Variants in BDH1 observed in about 807,000 individuals in gnomAD.
The protein encoded by BDH1 is D-beta-hydroxybutyrate dehydrogenase, mitochondrial.
Under a neutral mutation model 33.1 loss-of-function variants are expected in BDH1, and 30 were observed. That is an observed-to-expected ratio of 0.91 (90% confidence interval 0.68 to 1.23). BDH1 has a LOEUF of 1.23. BDH1 is among the 50% of genes most tolerant of loss of function. The probability of loss-of-function intolerance (pLI) is 0.00; values close to 1 mark genes in which losing one functional copy is unlikely to be tolerated. For missense variants in BDH1, 443 were observed against 464.4 expected, an observed-to-expected ratio of 0.95 and a Z score of 0.42; for synonymous variants, 190 against 183.6, an observed-to-expected ratio of 1.03 and a Z score of -0.28.
intron 6 of BDH1, chr3:197,515,844 C>T: frequency 2.4e-6 from 1 of 423,598 alleles, no homozygotes; most frequent in Non-Finnish European, 3.2e-6. Flanking sequence ...GCAGAGGTTG[C>T]AATGAGCCGG....
chr3:197,515,490 C>T, intron 6 of BDH1: 1 of 985,718 alleles, frequency 1.0e-6, no homozygotes, highest in Non-Finnish European at 1.2e-6. Context: ...CCACTCCCCA[C>T]CCGTCATGGC....
intron 1 of BDH1, among the ~76,000 whole-genome samples, chr3:197,567,092 C>T (rs542048118): frequency 1.3e-5 from 2 of 152,194 alleles, no homozygotes; most frequent in Non-Finnish European, 2.9e-5. Flanking sequence ...CTTCAAAGGA[C>T]ATGAGACTTC....
intron 1 of BDH1, among the ~76,000 whole-genome samples, chr3:197,561,224 C>T (rs540302133): frequency 6.6e-6 from 1 of 152,266 alleles, no homozygotes; most frequent in African/African-American, 2.4e-5. Context: ...CATGAGCTAA[C>T]CTTACGGCTC....
Position 197,537,289 on chromosome 3 carries a change from G to A in BDH1, c.84-3728C>T, listed in dbSNP as rs558932966. ...CAGGCATGAACTACCACATCCGGTC[G>A]AAACTGTATTGTTTTAAAATTTGAT... On this transcript the variant is annotated intron_variant, in intron 3 of 7. Transcript: ENST00000392379. Among the ~76,000 whole-genome samples the A allele has an allele frequency of 4.6e-5, 7 of 152,260 alleles. No homozygotes were observed. The East Asian group carries it at 7.7e-4, about 17-fold the overall frequency.
chr3:197,549,770 T>G (rs567192777), intron 2 of BDH1, among the ~76,000 whole-genome samples: 3 of 152,340 alleles, frequency 2.0e-5, no homozygotes, highest in South Asian at 4.1e-4. Context: ...ATGTTCTACT[T>G]GGCTGATTTG....
chr3:197,567,441 ATTGT>A (rs1222719679), intron 1 of BDH1, among the ~76,000 whole-genome samples: 1 of 152,128 alleles, frequency 6.6e-6, no homozygotes, highest in African/African-American at 2.4e-5. Context: ...AAAGAGTGCA[ATTGT>A]TTGTCTCTCA....
chr3:197,558,588 G>A (rs544830986), upstream of BDH1, among the ~76,000 whole-genome samples: 10 of 152,218 alleles, frequency 6.6e-5, no homozygotes, highest in Middle Eastern at 3.4e-3. Flanking sequence ...AAATGATTCC[G>A]AACACTTTCA....
intron 3 of BDH1, among the ~76,000 whole-genome samples, chr3:197,545,527 C>A (rs541865258): frequency 5.3e-5 from 8 of 152,042 alleles, no homozygotes; most frequent in African/African-American, 1.9e-4. Flanking sequence ...AGGTCGTGAG[C>A]GAAAAAGACT....
At chr3:197,536,266 T>C (rs1244618368) in intron 3 of BDH1, among the ~76,000 whole-genome samples, 4 of 152,236 alleles carry the variant, frequency 2.6e-5, no homozygotes, top group African/African-American at 7.2e-5. Context: ...TCTATTTTGA[T>C]TCATTGATAT....
At chr3:197,527,183 G>C (rs745828334) in intron 5 of BDH1, among the ~76,000 whole-genome samples, 1 of 152,212 alleles carries the variant, frequency 6.6e-6, no homozygotes, top group Admixed American at 6.5e-5. Context: ...AGAGAGGAGC[G>C]AGCCTGGGCA....
chr3:197,534,789 T>C (rs1304063326), intron 3 of BDH1, among the ~76,000 whole-genome samples: 1 of 152,244 alleles, frequency 6.6e-6, no homozygotes, highest in African/African-American at 2.4e-5. Flanking sequence ...TGTATCATGA[T>C]ATTTCGCTGT....
At position 197,522,406 on chromosome 3, in the gene BDH1, A is replaced by G. The variant is rs79523839; in HGVS notation, c.409+234T>C. ...GCTGAACTGACCTGAATCAGTGCGT[A>G]GCCACCTAGCACTCCGTGAACTCTG... On this transcript the variant is annotated intron_variant, in intron 6 of 7. Transcript: ENST00000392379. The surrounding 1 kb of genome is among the most constrained non-coding windows in gnomAD (Gnocchi z 4.8). Among the ~76,000 whole-genome samples the G allele has an allele frequency of 2.8e-4, 43 of 152,340 alleles. No individual in the cohort carries two copies. The East Asian group carries it at 8.1e-3, about 29-fold the overall frequency.
Position 197,511,892 on chromosome 3 carries a change from T to A in BDH1, c.*3A>T, listed in dbSNP as rs371013833. 193 of 1,549,348 alleles carry A rather than the reference T, an allele frequency of 1.2e-4. No homozygotes were observed. The highest frequency in any genetic ancestry group is 1.9e-4 in the Admixed American group (10 of 53,726). On this transcript the variant is annotated 3_prime_UTR_variant, in exon 8 of 8. Coordinates refer to ENST00000392379, the MANE Select transcript of BDH1 (RefSeq NM_203314.3). ...TCCCTGACAGAGGCCACAGCGAGACTCTTCAGCGGATGTAGATCATGTCGG... is the reference window on the plus strand; with the variant it reads ...TCCCTGACAGAGGCCACAGCGAGACACTTCAGCGGATGTAGATCATGTCGG...
chr3:197,529,265 A>G (rs915869665), intron 5 of BDH1: 1 of 152,220 alleles, frequency 6.6e-6, no homozygotes, highest in Admixed American at 6.5e-5. Context: ...GCAAAGATAT[A>G]TGTGCAAGAT....
At chr3:197,512,427 T>G (rs1282990017) in intron 7 of BDH1, 63 bp from the exon 8 acceptor site, 11 of 1,504,480 alleles carry the variant, frequency 7.3e-6, no homozygotes, top group Non-Finnish European at 9.8e-6. Context: ...CGGGCAGAAG[T>G]CTGGCATGTC....
chr3:197,525,071 C>T lies in BDH1; in HGVS notation c.268-2290G>A, dbSNP rs1465498811. 6.6e-6 allele frequency among the ~76,000 whole-genome samples: 1 copy of T among 152,306 alleles called. No homozygotes were observed. The highest frequency in any genetic ancestry group is 2.1e-4 in the South Asian group (1 of 4,822). ...AAACAAGACGCAGGCATGAGATGCA[C>T]GGGACAGATGGGCCTGGAGCTCAGG... On this transcript the variant is annotated intron_variant, in intron 5 of 7. Transcript: ENST00000392379. The surrounding 1 kb of genome is among the most constrained non-coding windows in gnomAD (Gnocchi z 4.9).
intron 1 of BDH1, among the ~76,000 whole-genome samples, chr3:197,562,312 C>T (rs977575453): frequency 3.3e-5 from 5 of 152,290 alleles, no homozygotes; most frequent in African/African-American, 1.2e-4. Context: ...ATTGCTTTTT[C>T]TCCCATAATT....
At chr3:197,544,585 G>A (rs764793949) in intron 3 of BDH1, among the ~76,000 whole-genome samples, 109 of 152,276 alleles carry the variant, frequency 7.2e-4, no homozygotes, top group Non-Finnish European at 1.3e-3. Context: ...CAACAAAGCC[G>A]AGCTCCGTCC....
At chr3:197,534,824 G>A (rs1269521876) in intron 3 of BDH1, among the ~76,000 whole-genome samples, 1 of 152,198 alleles carries the variant, frequency 6.6e-6, no homozygotes, top group Admixed American at 6.5e-5. Context: ...TTTCCCTAAT[G>A]GCTAATGATG....
Sources: allele counts gnomAD v4.1 joint callset (sites outside exome capture counted in the v4.1 genomes callset), GRCh38; gene constraint gnomAD v4.1.1; non-coding constraint Gnocchi (gnomAD v3.1); transcripts MANE v1.5; gene names NCBI Gene and HGNC (gene_info 2026-07-23, HGNC 2026-07-21).